The following DLG2 variants were observed in gnomAD, a reference collection of about 807,000 sequenced individuals.
DLG2 encodes disks large homolog 2.
Under a neutral mutation model 132.5 loss-of-function variants are expected in DLG2, and 45 were observed. The ratio of observed to expected loss-of-function variants is 0.34; its 90% CI spans 0.27 to 0.44. DLG2 has a LOEUF of 0.44. DLG2 is among the 20% of genes least tolerant of loss of function. The probability of loss-of-function intolerance (pLI) is 1.00; values close to 1 mark genes in which losing one functional copy is unlikely to be tolerated. For synonymous variants in DLG2, 424 were observed against 419.6 expected, an observed-to-expected ratio of 1.01 and a Z score of -0.13; for missense variants, 1,045 against 1,196.9, an observed-to-expected ratio of 0.87 and a Z score of 1.87.
chr11:84,408,860 C>T (rs1476162640), intron 7 of DLG2, among the ~76,000 whole-genome samples: 3 of 152,116 alleles, frequency 2.0e-5, no homozygotes, highest in African/African-American at 4.8e-5. Flanking sequence ...AGTTCAGGGC[C>T]GCCTCTTTCT....
At chr11:85,516,514 T>A (rs980614801) in intron 3 of DLG2, among the ~76,000 whole-genome samples, 2 of 151,946 alleles carry the variant, frequency 1.3e-5, no homozygotes, top group Non-Finnish European at 2.9e-5. Context: ...TTTCTGTAAA[T>A]GTAAACAAAA....
chr11:85,013,884 T>C (rs556553848), intron 6 of DLG2, among the ~76,000 whole-genome samples: 3 of 152,200 alleles, frequency 2.0e-5, no homozygotes, highest in Non-Finnish European at 2.9e-5. Flanking sequence ...CATGCTATTA[T>C]GCTATCAAAA....
intron 8 of DLG2, among the ~76,000 whole-genome samples, chr11:84,178,822 T>G (rs2096044240): frequency 6.6e-6 from 1 of 151,840 alleles, no homozygotes; most frequent in African/African-American, 2.4e-5. Flanking sequence ...ATCTAGCATG[T>G]GACTAAATGT....
At chr11:83,757,508 G>T (rs78562051) in intron 18 of DLG2, among the ~76,000 whole-genome samples, 1 of 152,148 alleles carries the variant, frequency 6.6e-6, no homozygotes, top group Non-Finnish European at 1.5e-5. Context: ...ATGCATAATG[G>T]TAGGGACAAC....
chr11:83,513,539 C>T (rs2095150825), intron 21 of DLG2, among the ~76,000 whole-genome samples: 2 of 152,156 alleles, frequency 1.3e-5, no homozygotes, highest in Admixed American at 6.5e-5. Context: ...TTAATTAGAT[C>T]CCATTTGTCA....
At chr11:84,015,801 C>T (rs1839840646) in intron 11 of DLG2, among the ~76,000 whole-genome samples, 1 of 152,092 alleles carries the variant, frequency 6.6e-6, no homozygotes, top group African/African-American at 2.4e-5. Context: ...AGTATTTAGG[C>T]TGATTCCATG....
chr11:84,890,399 A>G (rs950425670), intron 6 of DLG2, among the ~76,000 whole-genome samples: 1 of 152,264 alleles, frequency 6.6e-6, no homozygotes, highest in South Asian at 2.1e-4. Flanking sequence ...TTTTGGGAAC[A>G]CTGATTAGTC....
intron 6 of DLG2, among the ~76,000 whole-genome samples, chr11:84,744,752 A>C (rs571134042): frequency 5.8e-4 from 89 of 152,252 alleles, no homozygotes; most frequent in Non-Finnish European, 1.0e-3. Flanking sequence ...TACAAAACAC[A>C]TTGAGAAGAA....
intron 3 of DLG2, among the ~76,000 whole-genome samples, chr11:85,583,118 GTGTGTGTGTGTGTA>G (rs1409679097): frequency 5.8e-4 from 34 of 58,504 alleles, no homozygotes; most frequent in East Asian, 2.4e-3. Flanking sequence ...GTGTGTGTGT[GTGTGTGTGTGTGTA>G]TATATATATA....
At chr11:83,836,229 C>G (rs900722892) in intron 16 of DLG2, among the ~76,000 whole-genome samples, 6 of 152,174 alleles carry the variant, frequency 3.9e-5, no homozygotes, top group Non-Finnish European at 8.8e-5. Context: ...AAACAATCTG[C>G]TTTACCCAGC....
intron 6 of DLG2, among the ~76,000 whole-genome samples, chr11:84,863,957 T>A (rs2084160085): frequency 6.6e-6 from 1 of 152,192 alleles, no homozygotes; most frequent in South Asian, 2.1e-4. Context: ...TGGTAAGGAT[T>A]CAGTGAAATA....
intron 7 of DLG2, among the ~76,000 whole-genome samples, chr11:84,304,491 A>G (rs1375215895): frequency 6.6e-6 from 1 of 152,228 alleles, no homozygotes; most frequent in Non-Finnish European, 1.5e-5. Flanking sequence ...GGAAATGGAA[A>G]GCCGATAACC....
intron 6 of DLG2, among the ~76,000 whole-genome samples, chr11:84,591,766 C>A (rs1436986074): frequency 2.0e-5 from 3 of 152,144 alleles, no homozygotes; most frequent in Non-Finnish European, 2.9e-5. Flanking sequence ...ACCTGGGAAG[C>A]ATTTACAACT....
chr11:84,648,256 A>T (rs2099677277), intron 6 of DLG2, among the ~76,000 whole-genome samples: 1 of 152,218 alleles, frequency 6.6e-6, no homozygotes, highest in Admixed American at 6.5e-5. Flanking sequence ...CCCCCTTCAT[A>T]GAAGAAGAAA....
intron 4 of DLG2, among the ~76,000 whole-genome samples, chr11:85,197,182 A>G (rs1370506188): frequency 6.6e-6 from 1 of 152,192 alleles, no homozygotes; most frequent in Non-Finnish European, 1.5e-5. Flanking sequence ...ACGATGTAAT[A>G]TTGAACTTTG....
At chr11:83,993,700 A>G (rs934771301) in intron 11 of DLG2, among the ~76,000 whole-genome samples, 1 of 152,142 alleles carries the variant, frequency 6.6e-6, no homozygotes, top group Non-Finnish European at 1.5e-5. Context: ...ACCAAATTAT[A>G]GGCACTGCCT....
chr11:85,401,948 T>C (rs2088167642), intron 3 of DLG2, among the ~76,000 whole-genome samples: 1 of 151,324 alleles, frequency 6.6e-6, no homozygotes, highest in African/African-American at 2.4e-5. Context: ...GCCATCCCCA[T>C]CAAGCTACCA....
chr11:83,799,269 A>G (rs1049825300), intron 17 of DLG2, among the ~76,000 whole-genome samples: 3 of 152,218 alleles, frequency 2.0e-5, no homozygotes, highest in Admixed American at 1.3e-4. Context: ...TAGACCTTGA[A>G]TGCCAGGGCA....
At chr11:84,771,176 G>A (rs1173746601) in intron 6 of DLG2, among the ~76,000 whole-genome samples, 1 of 152,092 alleles carries the variant, frequency 6.6e-6, no homozygotes, top group Non-Finnish European at 1.5e-5. Flanking sequence ...CTGTCTTTAG[G>A]ACTTTGAGGA....
Sources: allele counts gnomAD v4.1 joint callset (sites outside exome capture counted in the v4.1 genomes callset), GRCh38; gene constraint gnomAD v4.1.1; transcripts MANE v1.5; gene names NCBI Gene and HGNC (gene_info 2026-07-23, HGNC 2026-07-21).